The following APOC2 variants were observed in gnomAD, a reference collection of about 807,000 sequenced individuals.
The protein encoded by APOC2 is apolipoprotein C-II.
Under a neutral mutation model 10.2 loss-of-function variants are expected in APOC2, and 6 were observed. That is an observed-to-expected ratio of 0.59 (90% CI 0.32 to 1.16). The LOEUF is 1.16. Among genes scored for constraint, APOC2 ranks in the 50% most tolerant of loss-of-function variants. The pLI, the probability that APOC2 is intolerant of heterozygous loss-of-function variation, is 0.05. For missense variants in APOC2, 110 were observed against 117.6 expected (o/e 0.94, Z 0.30); for synonymous variants, 56 against 48.5 (o/e 1.15, Z -0.64).
intron 1 of APOC2, 40 bp from the exon 2 acceptor site, chr19:44,948,426 T>C (rs1472833631): frequency 6.4e-7 from 1 of 1,573,786 alleles, no homozygotes; most frequent in Non-Finnish European, 8.7e-7. Flanking sequence ...AACAGCCGCC[T>C]CCAGTCAGCC....
intron 3 of APOC2, 117 bp downstream of exon 3, chr19:44,948,977 C>G (rs372364907): frequency 2.2e-6 from 3 of 1,394,986 alleles, no homozygotes; most frequent in East Asian, 2.5e-5. Flanking sequence ...GCCTCAGCCC[C>G]TCCTCCCTCA....
chr19:44,946,965 A>G (rs1328564037), intron 1 of APOC2, among the ~76,000 whole-genome samples: 1 of 152,238 alleles, frequency 6.6e-6, no homozygotes, highest in Non-Finnish European at 1.5e-5. Flanking sequence ...CAGCCTGGCC[A>G]ACATGGTGAA....
intron 1 of APOC2, among the ~76,000 whole-genome samples, chr19:44,947,537 G>A (rs1018791932): frequency 6.6e-6 from 1 of 152,166 alleles, no homozygotes; most frequent in Non-Finnish European, 1.5e-5. Context: ...GCTCACACCT[G>A]TACTCCCAGC....
intron 1 of APOC2, chr19:44,948,203 T>C: frequency 2.7e-6 from 1 of 364,242 alleles, no homozygotes; most frequent in Non-Finnish European, 5.2e-6. Context: ...ACCACTGCAC[T>C]CCAGCCTGGG....
At position 44,949,166 on chromosome 19, in the gene APOC2, T is replaced by C. The variant is rs1339593526; in HGVS notation, c.223T>C (p.Tyr75His). ...PAVDEKLRDL[Y>H]SKSTAAMSTY... ...TCTGTGCTTTCTCCCCAGGGACTTG[T>C]ACAGCAAAAGCACAGCAGCCATGAG... The change falls in exon 4 of 4, where the codon TAC becomes CAC. Residue 75 changes from tyrosine to histidine, a missense_variant. Physicochemically the swap from Tyr to His is moderately conservative, Grantham distance 83. Transcript: ENST00000252490. 2 of 1,613,704 alleles carry C rather than the reference T, an allele frequency of 1.2e-6. No homozygotes were observed. Among genetic ancestry groups the C allele is most frequent in the African/African-American group, 2.7e-5 (2 of 74,866 alleles).
At chr19:44,947,292 G>T (rs1970332776) in intron 1 of APOC2, 1 of 152,252 alleles carries the variant, frequency 6.6e-6, no homozygotes. Flanking sequence ...GTCACCAAAA[G>T]TGCCTCTCTC....
At chr19:44,946,191 C>CTCTGTG (rs1302189302) in intron 1 of APOC2, 116 bp downstream of exon 1, 7 of 134,048 alleles carry the variant, frequency 5.2e-5, no homozygotes, top group Non-Finnish European at 1.1e-4. Flanking sequence ...GGAACCATGA[C>CTCTGTG]TGTGTGTGTG....
In APOC2 at chr19:44,949,488, C is replaced by G. The variant is rs1003723602; in HGVS notation, c.*239C>G. 1 of 570,322 alleles carries G rather than the reference C, an allele frequency of 1.8e-6. No homozygotes were observed. Among genetic ancestry groups the G allele is most frequent in the South Asian group, 2.0e-5 (1 of 50,206 alleles). The allele number at this position is 570,322 out of a possible 1,614,324, so 35.3% of individuals were successfully genotyped here. A position where few individuals can be genotyped will look rare whatever the true frequency, so the allele number is the denominator to read the frequency against. On this transcript the variant is annotated 3_prime_UTR_variant, in exon 4 of 4. Transcript: ENST00000252490. The stretch of plus-strand genomic sequence containing the variant: ...CCAGCCAACATTTAATGAGCACCTA[C>G]TTTATGTATGGAGCTCTAACCCATG...
intron 1 of APOC2, chr19:44,947,225 C>T (rs1490612648): frequency 2.6e-5 from 4 of 152,148 alleles, no homozygotes; most frequent in Admixed American, 6.6e-5. Flanking sequence ...CTCTTTCTGC[C>T]GTACTTCCTC....
Position 44,948,864 on chromosome 19 carries a change from G to T in APOC2, c.215+4G>T. 1 of 1,611,428 alleles carries T rather than the reference G, an allele frequency of 6.2e-7. No individual in the cohort carries two copies. On this transcript the variant is annotated splice_donor_region_variant and intron_variant, in intron 3 of 3. Transcript: ENST00000252490. ...CCGCTGTAGATGAGAAACTCAGGTA[G>T]CACCTGCCCCTGGAGAAATGGGGTC...
At chr19:44,948,966 G>A (rs1970353366) in intron 3 of APOC2, 106 bp downstream of exon 3, 1 of 1,485,510 alleles carries the variant, frequency 6.7e-7, no homozygotes, top group South Asian at 1.2e-5. Flanking sequence ...CAGGAGTCCA[G>A]GCCTCAGCCC....
At chr19:44,947,161 A>AG (rs1166364904) in intron 1 of APOC2, 1 of 151,672 alleles carries the variant, frequency 6.6e-6, no homozygotes, top group African/African-American at 2.4e-5. Context: ...TGGAAAAAAA[A>AG]AAAGAATTGT....
In APOC2 at chr19:44,949,500, A is replaced by C. The variant is rs1213277451; in HGVS notation, c.*251A>C. The C allele has an allele frequency of 3.6e-6, 2 of 552,372 alleles. No individual in the cohort carries two copies. The highest frequency in any genetic ancestry group is 6.5e-6 in the Non-Finnish European group (2 of 306,924). 34.2% of individuals were successfully genotyped at this position (552,372 alleles called of 1,614,324 possible). Reference sequence around the variant, plus strand: ...TAATGAGCACCTACTTTATGTATGGAGCTCTAACCCATGGGTCCATGGGAA... The same window carrying C: ...TAATGAGCACCTACTTTATGTATGGCGCTCTAACCCATGGGTCCATGGGAA... On this transcript the variant is annotated 3_prime_UTR_variant, in exon 4 of 4. Transcript: ENST00000252490.
In APOC2 at chr19:44,949,231, G is replaced by A; in HGVS notation, c.288G>A (p.Val96=). The change falls in exon 4 of 4, where the codon GTG becomes GTA. Residue 96 remains valine (V), a synonymous_variant. Coordinates refer to ENST00000252490, the MANE Select transcript of APOC2 (RefSeq NM_000483.5). ...TTTTTACTGACCAAGTTCTTTCTGTGCTGAAGGGAGAGGAGTAACAGCCAG... is the reference window on the plus strand; with the variant it reads ...TTTTTACTGACCAAGTTCTTTCTGTACTGAAGGGAGAGGAGTAACAGCCAG... ...TGIFTDQVLS[V]LKGEE 1 of 1,613,778 alleles carries A rather than the reference G, an allele frequency of 6.2e-7. No individual in the cohort carries two copies. Among genetic ancestry groups the A allele is most frequent in the Non-Finnish European group, 8.5e-7 (1 of 1,179,898 alleles).
intron 1 of APOC2, among the ~76,000 whole-genome samples, chr19:44,946,966 A>G (rs1037233998): frequency 8.5e-5 from 13 of 152,202 alleles, no homozygotes; most frequent in Non-Finnish European, 1.5e-4. Context: ...AGCCTGGCCA[A>G]CATGGTGAAA....
At position 44,949,163 on chromosome 19, in the gene APOC2, T is replaced by C; in HGVS notation, c.220T>C (p.Leu74=). 4 of 1,613,096 alleles carry C rather than the reference T, an allele frequency of 2.5e-6. No homozygotes were observed. Among genetic ancestry groups the C allele is most frequent in the South Asian group, 1.1e-5 (1 of 91,000 alleles). The change falls in exon 4 of 4, where the codon TTG becomes CTG. Residue 74 remains leucine, a synonymous_variant. Transcript: ENST00000252490. ...LPAVDEKLRD[L]YSKSTAAMST... is the part of the protein sequence containing the mutation. ...CCATCTGTGCTTTCTCCCCAGGGAC[T>C]TGTACAGCAAAAGCACAGCAGCCAT...
Position 44,949,393 on chromosome 19 carries a change from C to A in APOC2, c.*144C>A. On this transcript the variant is annotated 3_prime_UTR_variant, in exon 4 of 4. Transcript: ENST00000252490. ...ATTCTTTTCAATAAAAAATACAATT[C>A]AAGTTGCTTCTCATGGATGGCACTG... The A allele has an allele frequency of 1.4e-6, 1 of 718,340 alleles. No homozygotes were observed. Among genetic ancestry groups the A allele is most frequent in the Non-Finnish European group, 2.5e-6 (1 of 407,374 alleles). 44.5% of individuals were successfully genotyped at this position (718,340 alleles called of 1,614,324 possible).
intron 1 of APOC2, 102 bp from the exon 2 acceptor site, chr19:44,948,353 GACACCGAGCTC>G: frequency 4.5e-6 from 4 of 888,852 alleles, no homozygotes; most frequent in Non-Finnish European, 7.6e-6. Flanking sequence ...ACTTGACTGG[GACACCGAGCTC>G]ACACAGAGCA....
chr19:44,949,074 C>G, intron 3 of APOC2, 85 bp from the exon 4 acceptor site: 1 of 1,244,532 alleles, frequency 8.0e-7, no homozygotes, highest in South Asian at 1.5e-5. Context: ...CCCAGGAGTC[C>G]AGGTCCCCAG....
Sources: gnomAD v4.1 joint callset for allele counts (sites outside exome capture counted in the v4.1 genomes callset) on GRCh38, gnomAD v4.1.1 for gene constraint, MANE v1.5 for transcripts, NCBI Gene and HGNC (gene_info 2026-07-23, HGNC 2026-07-21) for gene names.